CDH4: variants seen among roughly 807,000 people sequenced by gnomAD.
The protein encoded by CDH4 is cadherin 4.
Under a neutral mutation model 86.0 loss-of-function variants are expected in CDH4, and 33 were observed. That is an observed-to-expected ratio of 0.38 (90% confidence interval 0.29 to 0.51). CDH4 has a LOEUF of 0.51. Ranked by LOEUF, CDH4 falls within the 20% of genes least tolerant of loss-of-function variation. The pLI is 0.86. For synonymous variants in CDH4, 555 were observed against 549.4 expected, an observed-to-expected ratio of 1.01 and a Z score of -0.14; for missense variants, 1,114 against 1,307.4, an observed-to-expected ratio of 0.85 and a Z score of 2.28.
chr20:61,252,627 C>T lies in CDH4; in HGVS notation c.57+57C>T, dbSNP rs2084068644. The T allele has an allele frequency of 1.1e-5, 12 of 1,066,044 alleles. No homozygotes were observed. The highest frequency in any genetic ancestry group is 1.3e-5 in the Non-Finnish European group (11 of 847,432). The allele number at this position is 1,066,044 out of a possible 1,614,324, so 66.0% of individuals were successfully genotyped here. ...GAAGCCCCGGGCAGCGGGAGGTCGT[C>T]CCCGGATCCCGCGGGGCGCTCACAC... On this transcript the variant is annotated intron_variant, in intron 1 of 15. Transcript: ENST00000614565. The surrounding 1 kb of genome is among the most constrained non-coding windows in gnomAD (Gnocchi z 4.4).
At position 61,900,219 on chromosome 20, in the gene CDH4, T is replaced by G. The variant is rs546419990; in HGVS notation, c.1188+5172T>G. The stretch of plus-strand genomic sequence containing the variant: ...CCAAGCCCTGTGAGTCCCTGACTTC[T>G]GCAGAAGAAGGGAGAAATTACGATT... On this transcript the variant is annotated intron_variant, in intron 8 of 15. Transcript: ENST00000614565. Among the ~76,000 whole-genome samples the G allele has an allele frequency of 3.3e-5, 5 of 152,336 alleles. No individual in the cohort carries two copies. The East Asian group carries it at 9.7e-4, about 29-fold the overall frequency.
chr20:61,871,041 GTGT>G (rs1421188969), intron 6 of CDH4, among the ~76,000 whole-genome samples: 17 of 44,484 alleles, frequency 3.8e-4, no homozygotes, highest in Admixed American at 7.1e-4. Flanking sequence ...TTTATAGGAT[GTGT>G]GTGTGTGTGT....
At chr20:61,457,605 A>G (rs1417107696) in intron 2 of CDH4, among the ~76,000 whole-genome samples, 52 of 152,208 alleles carry the variant, frequency 3.4e-4, no homozygotes. Context: ...CATGATCATG[A>G]TGGTGCTGAC....
At chr20:61,722,708 A>G (rs964467099) in intron 2 of CDH4, among the ~76,000 whole-genome samples, 19 of 151,626 alleles carry the variant, frequency 1.3e-4, no homozygotes, top group Non-Finnish European at 2.9e-5. Flanking sequence ...AAGTGACAAG[A>G]TCTGGGAGCA....
intron 4 of CDH4, among the ~76,000 whole-genome samples, chr20:61,780,014 T>C (rs1489624805): frequency 6.6e-6 from 1 of 152,204 alleles, no homozygotes; most frequent in Non-Finnish European, 1.5e-5. Flanking sequence ...ATGACTCACG[T>C]GGCAGTCATT....
chr20:61,638,940 A>G (rs921441121), intron 2 of CDH4, among the ~76,000 whole-genome samples: 1 of 152,198 alleles, frequency 6.6e-6, no homozygotes, highest in African/African-American at 2.4e-5. Context: ...ACGGAGGCCA[A>G]TAGTCACTCA....
At chr20:61,838,822 T>TAAA (rs11412264) in intron 4 of CDH4, among the ~76,000 whole-genome samples, 80 of 123,450 alleles carry the variant, frequency 6.5e-4, no homozygotes, top group African/African-American at 2.1e-3. Context: ...AGACCCTGTC[T>TAAA]AAAAAAAAAA....
At chr20:61,916,509 G>A (rs994054137) in intron 9 of CDH4, among the ~76,000 whole-genome samples, 9 of 152,192 alleles carry the variant, frequency 5.9e-5, no homozygotes, top group South Asian at 2.1e-4. Flanking sequence ...AGCTGCTGTC[G>A]TCATCATAAC....
At chr20:61,412,500 C>T (rs755389958) in intron 2 of CDH4, among the ~76,000 whole-genome samples, 35 of 152,200 alleles carry the variant, frequency 2.3e-4, no homozygotes, top group Non-Finnish European at 3.8e-4. Flanking sequence ...TTCAAGGTCC[C>T]TCCTGGTTTT....
rs2087291192 is a variant in CDH4 at position 61,663,879 on chromosome 20, C to T, written c.170-79684C>T. Among the ~76,000 whole-genome samples the T allele has an allele frequency of 6.6e-6, 1 of 152,144 alleles. No homozygotes were observed. Among genetic ancestry groups the T allele is most frequent in the African/African-American group, 2.4e-5 (1 of 41,418 alleles). On this transcript the variant is annotated intron_variant, in intron 2 of 15. Coordinates refer to ENST00000614565, the MANE Select transcript of CDH4 (RefSeq NM_001794.5). This position sits in a 1 kb window ranked among gnomAD's most constrained non-coding sequence, Gnocchi z 5.0. ...CCCTCGAGGCCGCCCTGGCCCTCCA[C>T]ACTCCCACCGCTGGCGCCAGCATCT... is the stretch of plus-strand genomic sequence containing the variant.
chr20:61,933,353 CCCATCA>C (rs1183807426), intron 14 of CDH4, among the ~76,000 whole-genome samples: 2 of 152,230 alleles, frequency 1.3e-5, no homozygotes, highest in Non-Finnish European at 2.9e-5. Context: ...CTTCTTCCCT[CCCATCA>C]CCAGCCCCAG....
At chr20:61,257,860 C>T (rs928620972) in intron 2 of CDH4, among the ~76,000 whole-genome samples, 32 of 152,324 alleles carry the variant, frequency 2.1e-4, no homozygotes, top group African/African-American at 7.2e-4. Flanking sequence ...ATTCATAACT[C>T]GTAGAGGCGG....
At position 61,684,132 on chromosome 20, in the gene CDH4, G is replaced by A. The variant is rs945645459; in HGVS notation, c.170-59431G>A. 2.7e-4 allele frequency among the ~76,000 whole-genome samples: 41 copies of A among 152,132 alleles called. No individual in the cohort carries two copies. Among genetic ancestry groups the A allele is most frequent in the African/African-American group, 9.4e-4 (39 of 41,436 alleles). The stretch of plus-strand genomic sequence containing the variant: ...GTGTAGCAGGGATTGCAGTGGCATC[G>A]GACAAAGCCTCTGCCCTCTGGATGC... On this transcript the variant is annotated intron_variant, in intron 2 of 15. Coordinates refer to ENST00000614565, the MANE Select transcript of CDH4 (RefSeq NM_001794.5). The surrounding 1 kb of genome is among the most constrained non-coding windows in gnomAD (Gnocchi z 4.5).
chr20:61,324,004 G>T (rs967619053), intron 2 of CDH4, among the ~76,000 whole-genome samples: 1 of 152,134 alleles, frequency 6.6e-6, no homozygotes, highest in African/African-American at 2.4e-5. Context: ...TCGCAAAGAT[G>T]GTTTCCAACA....
intron 4 of CDH4, among the ~76,000 whole-genome samples, chr20:61,780,635 G>A (rs1036633276): frequency 1.3e-5 from 2 of 152,196 alleles, no homozygotes; most frequent in African/African-American, 2.4e-5. Context: ...ATGGTGGTGT[G>A]GTTTATTTCA....
At chr20:61,901,169 G>A (rs1002999708) in intron 8 of CDH4, among the ~76,000 whole-genome samples, 12 of 147,842 alleles carry the variant, frequency 8.1e-5, no homozygotes, top group South Asian at 4.4e-4. Context: ...CTAAATGACT[G>A]GTCCTTTCAC....
intron 4 of CDH4, among the ~76,000 whole-genome samples, chr20:61,792,661 T>A (rs924559151): frequency 2.0e-5 from 3 of 152,214 alleles, no homozygotes; most frequent in Admixed American, 2.0e-4. Flanking sequence ...TGTGTGTATT[T>A]TTTTTTGAGA....
intron 2 of CDH4, among the ~76,000 whole-genome samples, chr20:61,697,736 C>T (rs1349996319): frequency 6.6e-6 from 1 of 152,218 alleles, no homozygotes; most frequent in African/African-American, 2.4e-5. Context: ...TGTATCTCCC[C>T]GGAGGGACGT....
intron 2 of CDH4, among the ~76,000 whole-genome samples, chr20:61,300,918 A>G (rs1013469045): frequency 6.6e-6 from 1 of 152,174 alleles, no homozygotes; most frequent in Admixed American, 6.5e-5. Flanking sequence ...CCGGAGCACC[A>G]GCCATGGGCG....
Sources: gnomAD v4.1 joint callset for allele counts (sites outside exome capture counted in the v4.1 genomes callset) on GRCh38, gnomAD v4.1.1 for gene constraint, Gnocchi (gnomAD v3.1) non-coding constraint, MANE v1.5 for transcripts, NCBI Gene and HGNC (gene_info 2026-07-23, HGNC 2026-07-21) for gene names.